CUX1: variants seen among roughly 807,000 people sequenced by gnomAD.
CUX1 encodes cut like homeobox 1.
CUX1 carries 31 observed loss-of-function variants against 158.8 expected under a neutral mutation model. That is an observed-to-expected ratio of 0.20 (90% confidence interval 0.15 to 0.26). CUX1 has a LOEUF of 0.26. Ranked by LOEUF, CUX1 falls within the 10% of genes least tolerant of loss-of-function variation. The pLI, the probability that CUX1 is intolerant of heterozygous loss-of-function variation, is 1.00. For missense variants in CUX1, 1,589 were observed against 2,014.6 expected (o/e 0.79, Z 4.04); for synonymous variants, 879 against 862.1 (o/e 1.02, Z -0.34).
intron 1 of CUX1, among the ~76,000 whole-genome samples, chr7:101,914,392 CTCTT>C (rs1458461133): frequency 1.6e-5 from 2 of 121,492 alleles, no homozygotes; most frequent in African/African-American, 6.2e-5. Context: ...CCCTCCCTCC[CTCTT>C]TCCCTCCCTC....
At chr7:101,857,444 A>G (rs1032670959) in intron 1 of CUX1, among the ~76,000 whole-genome samples, 1 of 152,244 alleles carries the variant, frequency 6.6e-6, no homozygotes. Flanking sequence ...TGCTTTTGGT[A>G]TGATGGGGAC....
chr7:102,081,673 C>G (rs1033000591), intron 4 of CUX1, among the ~76,000 whole-genome samples: 3 of 146,452 alleles, frequency 2.0e-5, no homozygotes, highest in African/African-American at 7.3e-5. Flanking sequence ...CTCACCATCG[C>G]CCAAGCTGGA....
chr7:102,191,914 G>A (rs782191097), intron 12 of CUX1, among the ~76,000 whole-genome samples: 19 of 151,898 alleles, frequency 1.3e-4, no homozygotes, highest in Admixed American at 2.6e-4. Context: ...ACAGCCTGCC[G>A]GACCACAGGC....
intron 2 of CUX1, among the ~76,000 whole-genome samples, chr7:101,989,868 T>C (rs1814873812): frequency 6.6e-6 from 1 of 152,212 alleles, no homozygotes; most frequent in Non-Finnish European, 1.5e-5. Flanking sequence ...ACCCGCCTGA[T>C]AGAAGACACT....
intron 3 of CUX1, among the ~76,000 whole-genome samples, chr7:102,067,882 A>C (rs559107025): frequency 1.9e-4 from 29 of 151,476 alleles, no homozygotes; most frequent in Admixed American, 1.4e-3. Flanking sequence ...TTAGCTGGGC[A>C]TGGTAGCACA....
chr7:102,126,177 C>CTGTGTGTGTG (rs3988138), intron 8 of CUX1, among the ~76,000 whole-genome samples: 7,873 of 135,440 alleles, frequency 0.058, 277 homozygotes, highest in African/African-American at 0.085. Context: ...CCATTTCCGG[C>CTGTGTGTGTG]TGTGTGTGTG....
chr7:101,869,919 C>T lies in CUX1; in HGVS notation c.31-46196C>T, dbSNP rs1230978283. On this transcript the variant is annotated intron_variant, in intron 1 of 23. Transcript: ENST00000292535. The surrounding 1 kb of genome is among the most constrained non-coding windows in gnomAD (Gnocchi z 4.5). ...TGGTGGGCAGCTTGTCTGCCATCCC[C>T]TTCCAGGTGCCCCGCAGAACCACCA... Among the ~76,000 whole-genome samples the T allele has an allele frequency of 6.6e-6, 1 of 152,130 alleles. No individual in the cohort carries two copies. The highest frequency in any genetic ancestry group is 2.4e-5 in the African/African-American group (1 of 41,426).
Position 101,988,891 on chromosome 7 carries a change from C to T in CUX1, c.142-39207C>T, listed in dbSNP as rs571772369. The stretch of plus-strand genomic sequence containing the variant: ...GCATGCACCTGTGGTCCCAGCTACT[C>T]GGAAGGCCAAGGCAGGAGGATTGCT... On this transcript the variant is annotated intron_variant, in intron 2 of 23. Transcript: ENST00000292535. 1.2e-4 allele frequency among the ~76,000 whole-genome samples: 18 copies of T among 151,870 alleles called. No homozygotes were observed. The East Asian group carries it at 1.4e-3, about 11-fold the overall frequency.
intron 3 of CUX1, among the ~76,000 whole-genome samples, chr7:102,051,968 T>C (rs438908): frequency 0.84 from 127,789 of 152,152 alleles, 53,792 homozygotes; most frequent in East Asian, 0.99. Context: ...TCCCAGCACT[T>C]TGGGAGGCCA....
intron 3 of CUX1, among the ~76,000 whole-genome samples, chr7:102,056,361 T>C (rs1328595365): frequency 6.6e-6 from 1 of 152,144 alleles, no homozygotes; most frequent in Non-Finnish European, 1.5e-5. Context: ...AGGCCGACTC[T>C]CGTTAGGGGA....
chr7:102,244,526 C>T (rs1244565717), intron 23 of CUX1, among the ~76,000 whole-genome samples: 2 of 42,504 alleles, frequency 4.7e-5, no homozygotes, highest in Admixed American at 3.4e-4. Context: ...AGTGAGACCA[C>T]GTCTACAAAA....
rs751338808 is a variant in CUX1, at chr7:102,253,890, C to T, written c.*4848C>T. The T allele has an allele frequency of 3.0e-6, 3 of 985,746 alleles. No homozygotes were observed. Among genetic ancestry groups the T allele is most frequent in the Non-Finnish European group, 3.6e-6 (3 of 830,218 alleles). 61.1% of individuals were successfully genotyped at this position (985,746 alleles called of 1,614,324 possible). On this transcript the variant is annotated 3_prime_UTR_variant, in exon 24 of 24. Transcript: ENST00000292535. ...GCCGGTGGGGGGCCCTGTCCCTCCCCAGATGTCCTCCCTCTTCTTCACACT... is the reference window on the plus strand; with the variant it reads ...GCCGGTGGGGGGCCCTGTCCCTCCCTAGATGTCCTCCCTCTTCTTCACACT...
intron 2 of CUX1, among the ~76,000 whole-genome samples, chr7:102,026,826 A>AG: frequency 6.6e-6 from 1 of 151,436 alleles, no homozygotes; most frequent in East Asian, 1.9e-4. Flanking sequence ...TTTAAAAAAA[A>AG]AAAAAAAAAA....
intron 8 of CUX1, among the ~76,000 whole-genome samples, chr7:102,145,888 G>A (rs1045400845): frequency 3.9e-5 from 6 of 152,086 alleles, no homozygotes; most frequent in African/African-American, 7.2e-5. Context: ...CAGAGGTTGC[G>A]GTGAGTCGAG....
chr7:102,228,942 C>T (rs1554529652), intron 21 of CUX1, among the ~76,000 whole-genome samples: 1 of 152,230 alleles, frequency 6.6e-6, no homozygotes, highest in African/African-American at 2.4e-5. Context: ...GTCCGTGATG[C>T]TGGCCAGGCT....
At chr7:102,171,974 G>A (rs1554510565) in intron 10 of CUX1, among the ~76,000 whole-genome samples, 1 of 152,230 alleles carries the variant, frequency 6.6e-6, no homozygotes, top group Non-Finnish European at 1.5e-5. Context: ...AGAACCATAA[G>A]GAGTAAGATG....
intron 1 of CUX1, among the ~76,000 whole-genome samples, chr7:101,818,074 C>A (rs1792076967): frequency 6.6e-6 from 1 of 152,160 alleles, no homozygotes; most frequent in Non-Finnish European, 1.5e-5. Context: ...ATGAAATTTC[C>A]TGAAATTTCT....
chr7:101,954,184 A>G (rs7810922), intron 2 of CUX1, among the ~76,000 whole-genome samples: 36,650 of 151,994 alleles, frequency 0.24, 5,389 homozygotes, highest in African/African-American at 0.4. Flanking sequence ...ACAAGAGCCC[A>G]TCTCTATGAC....
rs868909572 is a variant in CUX1 at position 102,137,493 on chromosome 7, G to A, written c.675-21067G>A. Among the ~76,000 whole-genome samples, 8 of 152,174 alleles carry A rather than the reference G, an allele frequency of 5.3e-5. No individual in the cohort carries two copies. In the South Asian group the frequency reaches 6.2e-4, roughly 12 times the overall value. On this transcript the variant is annotated intron_variant, in intron 8 of 23. Coordinates refer to ENST00000292535, the MANE Select transcript of CUX1 (RefSeq NM_181552.4). ...TCTACTGAAAATACAAAAATTAGCC[G>A]GGCGTGGTGGTGGATGCCTATAATC...
Sources: allele counts gnomAD v4.1 joint callset (sites outside exome capture counted in the v4.1 genomes callset), GRCh38; gene constraint gnomAD v4.1.1; non-coding constraint Gnocchi (gnomAD v3.1); transcripts MANE v1.5; gene names NCBI Gene and HGNC (gene_info 2026-07-23, HGNC 2026-07-21).